Variants in RCSD1 observed in about 807,000 individuals in gnomAD.
RCSD1 encodes the protein RCSD domain containing 1.
A neutral mutation model predicts 42.5 loss-of-function variants in RCSD1; 26 were observed. The ratio of observed to expected loss-of-function variants is 0.61; its 90% CI spans 0.45 to 0.85. RCSD1 has a LOEUF of 0.85. RCSD1 is among the 40% of genes least tolerant of loss of function. The pLI, the probability that RCSD1 is intolerant of heterozygous loss-of-function variation, is 0.00. For missense variants in RCSD1, 571 were observed against 528.3 expected (o/e 1.08, Z -0.79); for synonymous variants, 220 against 212.2 (o/e 1.04, Z -0.32).
rs1218915779 is a variant in RCSD1 at position 167,697,324 on chromosome 1, G to T, written c.700G>T (p.Ala234Ser). ...AGEGVRTLGP[A>S]EKPPLRRSPS... is the part of the protein sequence containing the mutation. ...AGAGGGAGTGAGAACCCTGGGACCTGCTGAAAAGCCTCCTCTGAGGAGGTC... is the reference window on the plus strand; with the variant it reads ...AGAGGGAGTGAGAACCCTGGGACCTTCTGAAAAGCCTCCTCTGAGGAGGTC... Residue 234 changes from alanine to serine, a missense_variant, in exon 6 of 7, where the codon GCT becomes TCT. Coordinates refer to ENST00000367854, the MANE Select transcript of RCSD1 (RefSeq NM_052862.4). 6.2e-6 allele frequency: 10 copies of T among 1,614,000 alleles called. No individual in the cohort carries two copies. The highest frequency in any genetic ancestry group is 1.3e-5 in the African/African-American group (1 of 74,904).
intron 4 of RCSD1, among the ~76,000 whole-genome samples, chr1:167,691,262 T>C (rs7534909): frequency 0.033 from 4,970 of 152,194 alleles, 125 homozygotes; most frequent in African/African-American, 0.071. Context: ...CAAAATTGTC[T>C]CCCACCCCAG....
intron 1 of RCSD1, among the ~76,000 whole-genome samples, chr1:167,632,774 AAAC>A (rs1310000473): frequency 6.9e-6 from 1 of 144,382 alleles, no homozygotes; most frequent in East Asian, 2.1e-4. Flanking sequence ...AATGCCTGGA[AAAC>A]AAAAAACAAC....
intron 1 of RCSD1, among the ~76,000 whole-genome samples, chr1:167,639,228 AC>A (rs1314519550): frequency 8.1e-6 from 1 of 122,864 alleles, no homozygotes; most frequent in African/African-American, 3.1e-5. Context: ...AAACAAACAA[AC>A]AAACAAAAAG....
At chr1:167,643,194 T>G (rs1658051073) in intron 1 of RCSD1, among the ~76,000 whole-genome samples, 1 of 152,242 alleles carries the variant, frequency 6.6e-6, no homozygotes, top group Admixed American at 6.5e-5. Context: ...TGCATGGTGG[T>G]GGTGTTATTA....
chr1:167,630,453 C>A, intron 1 of RCSD1, 24 bp downstream of exon 1: 2 of 1,530,044 alleles, frequency 1.3e-6, no homozygotes, highest in Non-Finnish European at 1.8e-6. Flanking sequence ...GAGGGAGACG[C>A]GGGGCTGAGC....
intron 1 of RCSD1, among the ~76,000 whole-genome samples, chr1:167,674,516 T>A (rs1658893904): frequency 6.6e-6 from 1 of 152,236 alleles, no homozygotes; most frequent in South Asian, 2.1e-4. Context: ...AAGTGTACAA[T>A]GAAATACTTT....
At chr1:167,657,850 T>C (rs1271877420) in intron 1 of RCSD1, among the ~76,000 whole-genome samples, 1 of 152,134 alleles carries the variant, frequency 6.6e-6, no homozygotes, top group African/African-American at 2.4e-5. Context: ...CTTGAAAATA[T>C]ATCGTGGACA....
At chr1:167,648,628 A>G (rs1244694735) in intron 1 of RCSD1, among the ~76,000 whole-genome samples, 2 of 152,320 alleles carry the variant, frequency 1.3e-5, no homozygotes, top group East Asian at 3.9e-4. Flanking sequence ...CCCCCTGGAA[A>G]TGAAGCAATC....
chr1:167,651,578 G>A (rs1658307347), intron 1 of RCSD1, among the ~76,000 whole-genome samples: 1 of 152,194 alleles, frequency 6.6e-6, no homozygotes, highest in Non-Finnish European at 1.5e-5. Context: ...GTGCAATGCT[G>A]TGGACTGTGA....
chr1:167,631,555 G>A (rs1189514603), intron 1 of RCSD1, among the ~76,000 whole-genome samples: 3 of 152,186 alleles, frequency 2.0e-5, no homozygotes, highest in African/African-American at 7.2e-5. Flanking sequence ...CACAATCTCA[G>A]CTCACTGCAA....
Position 167,707,265 on chromosome 1 carries a change from C to T in RCSD1, c.*2569C>T, listed in dbSNP as rs1170891250. 6.6e-6 allele frequency among the ~76,000 whole-genome samples: 1 copy of T among 152,132 alleles called. No individual in the cohort carries two copies. The highest frequency in any genetic ancestry group is 1.5e-5 in the Non-Finnish European group (1 of 68,028). On this transcript the variant is annotated 3_prime_UTR_variant, in exon 7 of 7. Coordinates refer to ENST00000367854, the MANE Select transcript of RCSD1 (RefSeq NM_052862.4). ...TTTTCATGCAGGTTTTGTCCTATGA[C>T]CAGTTAACTACATGTTCAATAAATA...
chr1:167,641,211 A>AC (rs942023776), intron 1 of RCSD1, among the ~76,000 whole-genome samples: 4 of 151,864 alleles, frequency 2.6e-5, no homozygotes, highest in African/African-American at 9.7e-5. Context: ...CATGAGGATC[A>AC]CCCCCAACTC....
In RCSD1 at chr1:167,685,499, A is replaced by G; in HGVS notation, c.187A>G (p.Asn63Asp). 1 of 1,613,572 alleles carries G rather than the reference A, an allele frequency of 6.2e-7. No homozygotes were observed. ...CCCCCCCAAGGTAGACCTGGGCCAG[A>G]ATGGTGAGGAGGTAAGTGCTGCTGT... is the stretch of plus-strand genomic sequence containing the variant. Reference protein sequence around the residue: ...LFPPKVDLGQNGEEKSPPNAS... With the variant: ...LFPPKVDLGQDGEEKSPPNAS... Residue 63 changes from asparagine (N) to aspartate (D), a missense_variant, in exon 3 of 7, where the codon AAT becomes GAT. Physicochemically the swap from Asn to Asp is conservative, Grantham distance 23 (BLOSUM62 1). Coordinates refer to ENST00000367854, the MANE Select transcript of RCSD1 (RefSeq NM_052862.4).
chr1:167,677,585 A>G (rs1658982535), intron 1 of RCSD1, among the ~76,000 whole-genome samples: 7 of 152,130 alleles, frequency 4.6e-5, no homozygotes, highest in Admixed American at 4.6e-4. Flanking sequence ...AAATGGTTTC[A>G]CTCTTTTCAG....
At chr1:167,659,300 C>A (rs1404364292) in intron 1 of RCSD1, among the ~76,000 whole-genome samples, 1 of 152,096 alleles carries the variant, frequency 6.6e-6, no homozygotes, top group East Asian at 1.9e-4. Context: ...ACCTCATTTT[C>A]ATCTGTGTTA....
intron 1 of RCSD1, among the ~76,000 whole-genome samples, chr1:167,668,736 TA>T (rs57523926): frequency 0.46 from 60,212 of 130,318 alleles, 13,110 homozygotes; most frequent in East Asian, 0.56. Flanking sequence ...CAAGATGTAC[TA>T]AAAAAAAAAA....
rs146960363 is a variant in RCSD1, at chr1:167,640,927, GA to G, written c.6+10500del. ...AACCTGCTATCCATATAAAGGTAAAGAACTTGGGGATTGGAGGAGTGAATCC... is the reference window on the plus strand; with the variant it reads ...AACCTGCTATCCATATAAAGGTAAAGACTTGGGGATTGGAGGAGTGAATCC... On this transcript the variant is annotated intron_variant, in intron 1 of 6. Coordinates refer to ENST00000367854, the MANE Select transcript of RCSD1 (RefSeq NM_052862.4). Among the ~76,000 whole-genome samples the G allele has an allele frequency of 8.7e-3, 1,320 of 152,238 alleles. 14 individuals are homozygous for G. Among genetic ancestry groups the G allele is most frequent in the African/African-American group, 0.03 (1,235 of 41,530 alleles).
intron 1 of RCSD1, among the ~76,000 whole-genome samples, chr1:167,672,757 C>G (rs903438608): frequency 6.6e-6 from 1 of 152,214 alleles, no homozygotes; most frequent in Admixed American, 6.5e-5. Context: ...GTTCCAGGGA[C>G]TAGGATGAGG....
At chr1:167,680,834 A>C (rs1659064770) in intron 1 of RCSD1, among the ~76,000 whole-genome samples, 1 of 152,248 alleles carries the variant, frequency 6.6e-6, no homozygotes, top group South Asian at 2.1e-4. Flanking sequence ...GGAACAGAGA[A>C]AGAACATTTA....
Sources: gnomAD v4.1 joint callset for allele counts (sites outside exome capture counted in the v4.1 genomes callset) on GRCh38, gnomAD v4.1.1 for gene constraint, MANE v1.5 for transcripts, NCBI Gene and HGNC (gene_info 2026-07-23, HGNC 2026-07-21) for gene names.